Variants in NDUFA10 observed in about 807,000 individuals in gnomAD.
NDUFA10 encodes the protein NADH dehydrogenase [ubiquinone] 1 alpha subcomplex subunit 10, mitochondrial.
NDUFA10 carries 40 observed loss-of-function variants against 47.8 expected under a neutral mutation model. That is an observed-to-expected ratio of 0.84 (90% CI 0.65 to 1.09). The LOEUF (loss-of-function observed/expected upper bound fraction) is 1.09, where lower values mean the gene tolerates loss of function less well. Among genes scored for constraint, NDUFA10 ranks in the 50% least tolerant of loss-of-function variants. The pLI, the probability that NDUFA10 is intolerant of heterozygous loss-of-function variation, is 0.00. For missense variants in NDUFA10, 413 were observed against 451.1 expected, an observed-to-expected ratio of 0.92 and a Z score of 0.76; for synonymous variants, 183 against 172.2, an observed-to-expected ratio of 1.06 and a Z score of -0.49.
In NDUFA10 at chr2:240,022,187, T is replaced by C. The variant is rs1199295273; in HGVS notation, c.229A>G (p.Ile77Val). The change falls in exon 2 of 10, where the codon ATA (isoleucine) becomes GTA (valine). Residue 77 changes from isoleucine to valine, a missense_variant. By Grantham distance (29) the Ile-to-Val change is conservative. Transcript: ENST00000252711. ...AAAATCATACCTAGTTTCTCTGCTA[T>C]TTCTTTTGCAAGTTTGCCTTTTCCA... ...CTGKGKLAKE[I>V]AEKLGFKHFP... 5 of 1,612,252 alleles carry C rather than the reference T, an allele frequency of 3.1e-6. No homozygotes were observed. The highest frequency in any genetic ancestry group is 1.7e-4 in the Middle Eastern group (1 of 6,060).
At chr2:239,964,465 T>C (rs1344689852) in intron 9 of NDUFA10, among the ~76,000 whole-genome samples, 1 of 152,152 alleles carries the variant, frequency 6.6e-6, no homozygotes, top group Non-Finnish European at 1.5e-5. Context: ...TGCATGTGTA[T>C]TGTTTTAAGC....
intron 6 of NDUFA10, among the ~76,000 whole-genome samples, chr2:240,011,261 T>A (rs1390648563): frequency 2.0e-5 from 3 of 152,318 alleles, no homozygotes; most frequent in Non-Finnish European, 4.4e-5. Context: ...TTCCAATCAA[T>A]CCTTCTAGGT....
chr2:239,946,340 G>A (rs762376748), intron 4 of NDUFA10, among the ~76,000 whole-genome samples: 6 of 152,284 alleles, frequency 3.9e-5, no homozygotes, highest in South Asian at 2.1e-4. Flanking sequence ...GAGGGTTTCC[G>A]AAGGGTAGTG....
At chr2:239,981,969 G>A in intron 9 of NDUFA10, 1 of 1,010,348 alleles carries the variant, frequency 9.9e-7, no homozygotes, top group South Asian at 1.9e-5. Context: ...AAGAACCACT[G>A]CCATGAAAAG....
At chr2:239,943,338 T>G (rs1694392243) in intron 4 of NDUFA10, among the ~76,000 whole-genome samples, 1 of 152,200 alleles carries the variant, frequency 6.6e-6, no homozygotes, top group Admixed American at 6.5e-5. Flanking sequence ...AATTTTTCTT[T>G]CTTTTTTTTT....
At chr2:240,011,720 A>C (rs755050310) in intron 5 of NDUFA10, 24 bp from the exon 6 acceptor site, 2 of 1,568,774 alleles carry the variant, frequency 1.3e-6, no homozygotes, top group South Asian at 2.2e-5. Context: ...GAAAAATCAA[A>C]CTGGGAAACA....
intron 4 of NDUFA10, among the ~76,000 whole-genome samples, chr2:239,944,658 A>C (rs1004638269): frequency 6.6e-6 from 1 of 152,208 alleles, no homozygotes; most frequent in Non-Finnish European, 1.5e-5. Flanking sequence ...AGGAAACAAA[A>C]TCAAACACCA....
Position 239,981,845 on chromosome 2 carries a change from T to G in NDUFA10, c.999+8229A>C, listed in dbSNP as rs542410501. On this transcript the variant is annotated intron_variant, in intron 9 of 9. Transcript: ENST00000252711. ...ATTATTTTTAGAAAATTAATTGGGATTATAGAAATTCTCATGTTAATGGCA... is the reference window on the plus strand; with the variant it reads ...ATTATTTTTAGAAAATTAATTGGGAGTATAGAAATTCTCATGTTAATGGCA... 6.6e-5 allele frequency among the ~76,000 whole-genome samples: 10 copies of G among 152,200 alleles called. No homozygotes were observed. The South Asian group carries it at 1.9e-3, about 28-fold the overall frequency.
chr2:240,007,332 G>T lies in NDUFA10; in HGVS notation c.788C>A (p.Ala263Asp). The part of the protein sequence containing the change: ...CEVLQYSARE[A>D]QDSKKVVEDI... ...TTTTCTTACCTTTTTTGAATCTTGA[G>T]CTTCCCTTGCAGAATATTGTAAAAC... The change falls in exon 7 of 10, where the codon GCT becomes GAT. Residue 263 changes from alanine to aspartate, a missense_variant. Physicochemically the swap from Ala to Asp is moderately radical, Grantham distance 126. Transcript: ENST00000252711. 1.3e-6 allele frequency: 2 copies of T among 1,593,674 alleles called. No homozygotes were observed. Among genetic ancestry groups the T allele is most frequent in the South Asian group, 2.2e-5 (2 of 90,654 alleles).
At chr2:239,998,513 T>C (rs893358482) in intron 8 of NDUFA10, among the ~76,000 whole-genome samples, 2 of 146,304 alleles carry the variant, frequency 1.4e-5, no homozygotes, top group Non-Finnish European at 3.0e-5. Context: ...AGGGCCTCCT[T>C]GCGAGGCTGG....
chr2:240,007,782 C>T (rs990850672), intron 6 of NDUFA10, among the ~76,000 whole-genome samples: 1 of 152,118 alleles, frequency 6.6e-6, no homozygotes, highest in African/African-American at 2.4e-5. Flanking sequence ...CGAGCACAGG[C>T]AGAAGGCATC....
intron 4 of NDUFA10, among the ~76,000 whole-genome samples, chr2:239,909,200 T>C (rs953446980): frequency 6.8e-6 from 1 of 147,000 alleles, no homozygotes; most frequent in African/African-American, 2.7e-5. Context: ...CAAAGTGGGG[T>C]CTTAATATTC....
At chr2:239,986,871 CT>C (rs1696023450) in intron 9 of NDUFA10, among the ~76,000 whole-genome samples, 1 of 152,136 alleles carries the variant, frequency 6.6e-6, no homozygotes, top group Non-Finnish European at 1.5e-5. Flanking sequence ...AAGACACCAC[CT>C]TAACAAGCAA....
chr2:239,967,727 A>T (rs983860691), intron 9 of NDUFA10, among the ~76,000 whole-genome samples: 4 of 152,180 alleles, frequency 2.6e-5, no homozygotes, highest in Non-Finnish European at 4.4e-5. Flanking sequence ...AGGCAGCTGA[A>T]ACGTGCTGTT....
intron 9 of NDUFA10, among the ~76,000 whole-genome samples, chr2:239,975,366 G>T (rs1695478364): frequency 1.3e-5 from 2 of 152,192 alleles, no homozygotes; most frequent in Admixed American, 1.3e-4. Flanking sequence ...TTATAGCAAT[G>T]CGAGAACAGC....
chr2:239,946,214 G>A (rs930826725), intron 4 of NDUFA10, among the ~76,000 whole-genome samples: 2 of 152,146 alleles, frequency 1.3e-5, no homozygotes, highest in African/African-American at 2.4e-5. Flanking sequence ...ACCCTCCTAG[G>A]TGGCACCTGG....
intron 9 of NDUFA10, among the ~76,000 whole-genome samples, chr2:239,980,825 C>T (rs1156867138): frequency 1.3e-5 from 2 of 152,216 alleles, no homozygotes; most frequent in Non-Finnish European, 2.9e-5. Context: ...CCACAAGACA[C>T]GGCCTGGTGT....
At chr2:239,978,210 T>C (rs988654685) in intron 9 of NDUFA10, among the ~76,000 whole-genome samples, 14 of 152,150 alleles carry the variant, frequency 9.2e-5, no homozygotes, top group African/African-American at 3.1e-4. Context: ...CCCTTTTGCC[T>C]ATAAACACAC....
intron 6 of NDUFA10, among the ~76,000 whole-genome samples, chr2:240,008,222 CTA>C (rs967551015): frequency 6.6e-6 from 1 of 152,202 alleles, no homozygotes; most frequent in African/African-American, 2.4e-5. Flanking sequence ...CCACACAAGT[CTA>C]TAACTCACAA....
Sources: gnomAD v4.1 joint callset for allele counts (sites outside exome capture counted in the v4.1 genomes callset) on GRCh38, gnomAD v4.1.1 for gene constraint, MANE v1.5 for transcripts, NCBI Gene and HGNC (gene_info 2026-07-23, HGNC 2026-07-21) for gene names.